Variants in SYT12 observed in about 807,000 individuals in gnomAD.
The protein encoded by SYT12 is synaptotagmin-12.
Under a neutral mutation model 39.5 loss-of-function variants are expected in SYT12, and 27 were observed. The ratio of observed to expected loss-of-function variants is 0.68; its 90% CI spans 0.50 to 0.94. The LOEUF (loss-of-function observed/expected upper bound fraction) is 0.94. SYT12 is among the 40% of genes least tolerant of loss of function. SYT12 has a pLI of 0.00. For synonymous variants in SYT12, 233 were observed against 239.7 expected, an observed-to-expected ratio of 0.97 and a Z score of 0.26; for missense variants, 536 against 572.6, an observed-to-expected ratio of 0.94 and a Z score of 0.65.
At chr11:67,014,141 C>T (rs964683381) in intron 3 of SYT12, among the ~76,000 whole-genome samples, 7 of 152,210 alleles carry the variant, frequency 4.6e-5, no homozygotes, top group African/African-American at 1.7e-4. Flanking sequence ...AGATCCTTCA[C>T]TTAATTACAT....
At chr11:67,020,802 C>G (rs2136198794), upstream of SYT12, among the ~76,000 whole-genome samples, 1 of 152,282 alleles carries the variant, frequency 6.6e-6, no homozygotes, top group South Asian at 2.1e-4. Flanking sequence ...GATCTCAGCT[C>G]ACTGCAACCT....
rs1209993392 is a variant in SYT12, at chr11:67,035,817, C to T, written c.228+979C>T. ...TCCTTCCTTCCTTCCTTCCTTCCTT[C>T]CTTCCTTCCTTCCTTCCTTCCTTTC... On this transcript the variant is annotated intron_variant, in intron 3 of 7. Transcript: ENST00000527043. Among the ~76,000 whole-genome samples the T allele has an allele frequency of 5.7e-3, 467 of 82,260 alleles. 25 individuals are homozygous for T. The highest frequency in any genetic ancestry group is 0.025 in the African/African-American group (427 of 17,272). 54.0% of individuals were successfully genotyped at this position (82,260 alleles called of 152,430 possible). A position where few individuals can be genotyped will look rare whatever the true frequency, so the allele number is the denominator to read the frequency against.
chr11:67,017,178 A>C (rs1950064880), intron 3 of SYT12, among the ~76,000 whole-genome samples: 1 of 152,156 alleles, frequency 6.6e-6, no homozygotes, highest in Non-Finnish European at 1.5e-5. Context: ...ATGGTAATTC[A>C]AGTTCATGTC....
intron 5 of SYT12, among the ~76,000 whole-genome samples, chr11:67,044,122 A>C (rs1436147928): frequency 6.6e-6 from 1 of 152,190 alleles, no homozygotes. Flanking sequence ...CTAGAGAAAC[A>C]TTCCTCTAGC....
At chr11:67,033,659 G>A (rs1246660667) in intron 2 of SYT12, among the ~76,000 whole-genome samples, 3 of 152,190 alleles carry the variant, frequency 2.0e-5, no homozygotes, top group Non-Finnish European at 2.9e-5. Flanking sequence ...TAGCCTTTCT[G>A]TGCCTCAGTT....
At chr11:67,020,308 A>T (rs1359936311), upstream of SYT12, among the ~76,000 whole-genome samples, 12 of 152,190 alleles carry the variant, frequency 7.9e-5, no homozygotes, top group Non-Finnish European at 1.8e-4. Context: ...AAGGCCCAGG[A>T]GGCAGGAGCT....
intron 7 of SYT12, among the ~76,000 whole-genome samples, chr11:67,046,911 G>T (rs543699562): frequency 5.9e-5 from 9 of 151,762 alleles, no homozygotes; most frequent in Admixed American, 3.9e-4. Flanking sequence ...GTGCGCAGGT[G>T]CCGTTCTACA....
At chr11:67,035,049 G>C (rs942000237) in intron 3 of SYT12, among the ~76,000 whole-genome samples, 88 of 110,176 alleles carry the variant, frequency 8.0e-4, no homozygotes, top group Middle Eastern at 8.6e-3. Context: ...CCCTCTTGTT[G>C]CCCAGGCTGG....
chr11:67,035,845 T>TC, intron 3 of SYT12, among the ~76,000 whole-genome samples: 1 of 45,060 alleles, frequency 2.2e-5, no homozygotes, highest in Non-Finnish European at 4.1e-5. Context: ...TTCCTTTCTT[T>TC]CTTTCTTTCT....
At chr11:67,046,548 G>T (rs1351457547) in intron 7 of SYT12, among the ~76,000 whole-genome samples, 1 of 152,206 alleles carries the variant, frequency 6.6e-6, no homozygotes, top group Non-Finnish European at 1.5e-5. Flanking sequence ...CCAACCCGGG[G>T]ACCCCGCCAG....
chr11:67,008,358 T>A (rs1249147221), intron 1 of SYT12, among the ~76,000 whole-genome samples: 1 of 152,200 alleles, frequency 6.6e-6, no homozygotes, highest in Non-Finnish European at 1.5e-5. Context: ...GAATCCCACC[T>A]CTGTCACCTG....
At position 67,030,352 on chromosome 11, in the gene SYT12, C is replaced by T. The variant is rs964764544; in HGVS notation, c.34+174C>T. On this transcript the variant is annotated intron_variant, in intron 2 of 7. Transcript: ENST00000527043. ...GACAGCCCGCCCTGGGGACATCAAG[C>T]TTGGCCCAGTCTGAGGTCTCCTCAT... is the stretch of plus-strand genomic sequence containing the variant. The T allele has an allele frequency of 6.3e-6, 4 of 637,992 alleles. No homozygotes were observed. In the African/African-American group the frequency reaches 7.4e-5, roughly 12 times the overall value. The allele number at this position is 637,992 out of a possible 1,614,324, so 39.5% of individuals were successfully genotyped here. A position where few individuals can be genotyped will look rare whatever the true frequency, so the allele number is the denominator to read the frequency against.
chr11:67,018,207 G>C (rs1269565829), upstream of SYT12, among the ~76,000 whole-genome samples: 2 of 149,244 alleles, frequency 1.3e-5, no homozygotes, highest in African/African-American at 2.5e-5. Context: ...AGGTTGCAGT[G>C]AGCTGAGATC....
intron 4 of SYT12, among the ~76,000 whole-genome samples, chr11:67,043,122 G>A (rs1039073121): frequency 2.0e-5 from 3 of 152,224 alleles, no homozygotes; most frequent in Non-Finnish European, 4.4e-5. Flanking sequence ...GGTCAGTGGT[G>A]CCCACCAGGC....
intron 4 of SYT12, among the ~76,000 whole-genome samples, chr11:67,042,817 G>C (rs916509808): frequency 6.6e-6 from 1 of 152,044 alleles, no homozygotes; most frequent in African/African-American, 2.4e-5. Flanking sequence ...CGTGAGCACT[G>C]TGCGAGGAGC....
intron 4 of SYT12, among the ~76,000 whole-genome samples, chr11:67,043,099 C>T (rs777712193): frequency 2.6e-5 from 4 of 152,240 alleles, no homozygotes; most frequent in African/African-American, 4.8e-5. Flanking sequence ...CTGCCCACAA[C>T]TTCCTGGGAG....
rs2136200928 is a variant in SYT12, at chr11:67,023,179, C to A, written c.-305C>A. 6.6e-6 allele frequency among the ~76,000 whole-genome samples: 1 copy of A among 152,250 alleles called. No homozygotes were observed. Among genetic ancestry groups the A allele is most frequent in the Admixed American group, 6.5e-5 (1 of 15,306 alleles). On this transcript the variant is annotated 5_prime_UTR_variant, in exon 1 of 8. Coordinates refer to ENST00000527043, the MANE Select transcript of SYT12 (RefSeq NM_177963.4). The stretch of plus-strand genomic sequence containing the variant: ...GAGCAGAGACAGCGCTCGAGCTTGT[C>A]ACTTTAAATTCAAGAGGGAGCGGGC...
At chr11:67,035,712 C>T (rs1397485115) in intron 3 of SYT12, among the ~76,000 whole-genome samples, 1 of 151,936 alleles carries the variant, frequency 6.6e-6, no homozygotes, top group South Asian at 2.1e-4. Flanking sequence ...CCGCCTTGGC[C>T]TCCCAAAGTA....
chr11:67,007,209 G>C (rs1343602501), exon 1 of SYT12: 1 of 152,330 alleles, frequency 6.6e-6, no homozygotes, highest in Non-Finnish European at 1.5e-5. Flanking sequence ...AACCACAGCA[G>C]GGCTCCAGAT....
Sources: allele counts gnomAD v4.1 joint callset (sites outside exome capture counted in the v4.1 genomes callset), GRCh38; gene constraint gnomAD v4.1.1; transcripts MANE v1.5; gene names NCBI Gene and HGNC (gene_info 2026-07-23, HGNC 2026-07-21).